The following TMEM184B variants were observed in gnomAD, a reference collection of about 807,000 sequenced individuals.
TMEM184B encodes the protein transmembrane protein 184B, also known as putative MAPK-activating protein FM08.
A neutral mutation model predicts 41.8 loss-of-function variants in TMEM184B; 17 were observed. The ratio of observed to expected loss-of-function variants is 0.41; its 90% CI spans 0.28 to 0.61. TMEM184B has a LOEUF of 0.61. Ranked by LOEUF, TMEM184B falls within the 20% of genes least tolerant of loss-of-function variation. The pLI is 0.34. For synonymous variants in TMEM184B, 240 were observed against 229.5 expected (o/e 1.05, Z -0.41); for missense variants, 393 against 557.8 (o/e 0.70, Z 2.98).
At chr22:38,228,473 T>C (rs2091515467) in intron 5 of TMEM184B, among the ~76,000 whole-genome samples, 1 of 152,176 alleles carries the variant, frequency 6.6e-6, no homozygotes, top group Admixed American at 6.5e-5. Context: ...GACCATACCC[T>C]GGACCAGTCA....
intron 1 of TMEM184B, 45 bp downstream of exon 1, chr22:38,272,839 A>T (rs930661800): frequency 2.1e-6 from 2 of 965,532 alleles, no homozygotes; most frequent in African/African-American, 3.6e-5. Flanking sequence ...CGGGAGTCGC[A>T]GCTCCCCCTT....
rs2091205005 is a variant in TMEM184B, at chr22:38,219,627, G to A, written c.*1842C>T. ...CGTCCCCACGACCCCACGGACCGCTGATTCCCTGCCACTGAGCTCCCCCCA... is the reference window on the plus strand; with the variant it reads ...CGTCCCCACGACCCCACGGACCGCTAATTCCCTGCCACTGAGCTCCCCCCA... On this transcript the variant is annotated 3_prime_UTR_variant, in exon 9 of 9. Coordinates refer to ENST00000361906, the MANE Select transcript of TMEM184B (RefSeq NM_012264.5). 2 of 985,314 alleles carry A rather than the reference G, an allele frequency of 2.0e-6. No homozygotes were observed. Among genetic ancestry groups the A allele is most frequent in the Non-Finnish European group, 2.4e-6 (2 of 829,940 alleles). The allele number at this position is 985,314 out of a possible 1,614,324, so 61.0% of individuals were successfully genotyped here. A position where few individuals can be genotyped will look rare whatever the true frequency, so the allele number is the denominator to read the frequency against.
intron 1 of TMEM184B, among the ~76,000 whole-genome samples, chr22:38,266,855 G>A (rs764449932): frequency 2.0e-5 from 3 of 152,118 alleles, no homozygotes; most frequent in East Asian, 1.9e-4. Flanking sequence ...AGGCCGAGGC[G>A]GGTGGATCAA....
chr22:38,218,405 C>A (rs932344926), downstream of TMEM184B, among the ~76,000 whole-genome samples: 9 of 152,302 alleles, frequency 5.9e-5, no homozygotes, highest in Admixed American at 3.3e-4. Context: ...AATGAAGATG[C>A]TATGGGGCAT....
At chr22:38,255,428 T>A (rs1045241857) in intron 1 of TMEM184B, among the ~76,000 whole-genome samples, 1 of 152,196 alleles carries the variant, frequency 6.6e-6, no homozygotes, top group South Asian at 2.1e-4. Context: ...CACCTCAGCC[T>A]CCCAGAGTGC....
At position 38,263,727 on chromosome 22, in the gene TMEM184B, G is replaced by C. The variant is rs186204969; in HGVS notation, c.-59+9157C>G. 7.9e-5 allele frequency among the ~76,000 whole-genome samples: 12 copies of C among 152,292 alleles called. No homozygotes were observed. The East Asian group carries it at 1.2e-3, about 15-fold the overall frequency. On this transcript the variant is annotated intron_variant, in intron 1 of 8. Coordinates refer to ENST00000361906, the MANE Select transcript of TMEM184B (RefSeq NM_012264.5). ...AACATCTGTAATTTTGGAAAATATT[G>C]CCAGAGAGGCACAGTACATTTAAAT...
At chr22:38,223,000 G>C (rs1244582055) in intron 8 of TMEM184B, 1 of 152,504 alleles carries the variant, frequency 6.6e-6, no homozygotes, top group African/African-American at 2.4e-5. Flanking sequence ...GGCTAGCCTG[G>C]GGCCACATCC....
At chr22:38,230,885 G>T in intron 4 of TMEM184B, 141 bp from the exon 5 acceptor site, 1 of 806,144 alleles carries the variant, frequency 1.2e-6, no homozygotes, top group Non-Finnish European at 2.1e-6. Context: ...CCGAGGCCAA[G>T]CACAGGGAGA....
rs1329906914 is a variant in TMEM184B, at chr22:38,239,674, G to A, written c.358+6261C>T. Among the ~76,000 whole-genome samples the A allele has an allele frequency of 6.6e-5, 10 of 152,136 alleles. No individual in the cohort carries two copies. Among genetic ancestry groups the A allele is most frequent in the Non-Finnish European group, 1.5e-4 (10 of 68,032 alleles). On this transcript the variant is annotated intron_variant, in intron 3 of 8. Transcript: ENST00000361906. This position sits in a 1 kb window ranked among gnomAD's most constrained non-coding sequence, Gnocchi z 4.6. ...TGAGACAGCTCTATCCTCAGAACAC[G>A]GTCCAGCTGAGGGCAGTAATGGGAC...
At chr22:38,261,613 A>G (rs2092369561) in intron 1 of TMEM184B, among the ~76,000 whole-genome samples, 1 of 152,162 alleles carries the variant, frequency 6.6e-6, no homozygotes, top group Non-Finnish European at 1.5e-5. Context: ...AATTTTGATG[A>G]TCTCAGTTTT....
intron 3 of TMEM184B, among the ~76,000 whole-genome samples, chr22:38,238,376 C>A (rs188542056): frequency 9.9e-5 from 15 of 151,924 alleles, no homozygotes; most frequent in African/African-American, 3.6e-4. Flanking sequence ...CAGGCATGCA[C>A]GACCACGCCC....
At chr22:38,266,944 G>A (rs1434482041) in intron 1 of TMEM184B, among the ~76,000 whole-genome samples, 16 of 151,992 alleles carry the variant, frequency 1.1e-4, no homozygotes, top group Admixed American at 4.6e-4. Flanking sequence ...TTAGCCGGGC[G>A]CCGTGGCAGG....
chr22:38,246,124 G>A, intron 2 of TMEM184B, 24 bp from the exon 3 acceptor site: 4 of 1,602,324 alleles, frequency 2.5e-6, no homozygotes, highest in Non-Finnish European at 3.4e-6. Context: ...TGTGGGGTCA[G>A]CTGGGGACCC....
In TMEM184B at chr22:38,231,101, G is replaced by A. The variant is rs533160021; in HGVS notation, c.449+143C>T. 700 of 765,232 alleles carry A rather than the reference G, an allele frequency of 9.1e-4. 12 individuals are homozygous for A. The South Asian group carries it at 9.9e-3, about 11-fold the overall frequency. The allele number at this position is 765,232 out of a possible 1,614,324, so 47.4% of individuals were successfully genotyped here. A position where few individuals can be genotyped will look rare whatever the true frequency, so the allele number is the denominator to read the frequency against. Reference sequence around the variant, plus strand: ...CTCCTAAAACGCCCAGAAGAATGGCGTTGCTCAGGAAATGTGGTGAGGCAC... The same window carrying A: ...CTCCTAAAACGCCCAGAAGAATGGCATTGCTCAGGAAATGTGGTGAGGCAC... On this transcript the variant is annotated intron_variant, in intron 4 of 8. Coordinates refer to ENST00000361906, the MANE Select transcript of TMEM184B (RefSeq NM_012264.5).
chr22:38,248,130 A>G (rs1482129414), intron 1 of TMEM184B, 111 bp from the exon 2 acceptor site: 8 of 1,361,888 alleles, frequency 5.9e-6, no homozygotes, highest in East Asian at 2.6e-5. Flanking sequence ...ATTGACCCCA[A>G]CCATCACCCT....
chr22:38,222,811 C>T (rs538443961), intron 8 of TMEM184B: 2 of 645,658 alleles, frequency 3.1e-6, no homozygotes, highest in East Asian at 2.8e-4. Context: ...CCTGTCCCCA[C>T]CCCCCCAGGC....
intron 1 of TMEM184B, among the ~76,000 whole-genome samples, chr22:38,252,320 C>G (rs971797642): frequency 2.0e-5 from 3 of 152,162 alleles, no homozygotes; most frequent in African/African-American, 7.2e-5. Context: ...CTTGGCCTCC[C>G]AAAGTGCTGG....
At chr22:38,255,007 T>C (rs1262114768) in intron 1 of TMEM184B, among the ~76,000 whole-genome samples, 2 of 151,828 alleles carry the variant, frequency 1.3e-5, no homozygotes, top group Non-Finnish European at 2.9e-5. Flanking sequence ...CCCGCCACCA[T>C]GGCCAGCTAA....
intron 1 of TMEM184B, among the ~76,000 whole-genome samples, chr22:38,261,783 C>G (rs2092371818): frequency 6.6e-6 from 1 of 152,206 alleles, no homozygotes. Context: ...AATGCTACCA[C>G]CCCATGGGAG....
Sources: gnomAD v4.1 joint callset for allele counts (sites outside exome capture counted in the v4.1 genomes callset) on GRCh38, gnomAD v4.1.1 for gene constraint, Gnocchi (gnomAD v3.1) non-coding constraint, MANE v1.5 for transcripts, NCBI Gene and HGNC (gene_info 2026-07-23, HGNC 2026-07-21) for gene names.